PACS1: variants seen among roughly 807,000 people sequenced by gnomAD.
PACS1 encodes the protein phosphofurin acidic cluster sorting protein 1.
Under a neutral mutation model 115.0 loss-of-function variants are expected in PACS1, and 24 were observed. That is an observed-to-expected ratio of 0.21 (90% CI 0.15 to 0.29). The LOEUF (loss-of-function observed/expected upper bound fraction) is 0.29, where lower values mean the gene tolerates loss of function less well. PACS1 is among the 10% of genes least tolerant of loss of function. The pLI, the probability that PACS1 is intolerant of heterozygous loss-of-function variation, is 1.00. For synonymous variants in PACS1, 453 were observed against 504.5 expected (o/e 0.90, Z 1.37); for missense variants, 838 against 1,251.2 (o/e 0.67, Z 4.98).
intron 10 of PACS1, among the ~76,000 whole-genome samples, chr11:66,222,578 C>T (rs1410966576): frequency 6.6e-6 from 1 of 152,138 alleles, no homozygotes; most frequent in Non-Finnish European, 1.5e-5. Flanking sequence ...TTAGGATTTG[C>T]CCTCCAAAGC....
chr11:66,238,932 C>T, intron 20 of PACS1, 86 bp downstream of exon 20: 2 of 1,421,628 alleles, frequency 1.4e-6, no homozygotes, highest in East Asian at 2.5e-5. Flanking sequence ...AAGTTAAGCT[C>T]TGGATGCCCT....
intron 1 of PACS1, among the ~76,000 whole-genome samples, chr11:66,112,873 G>A (rs1858219899): frequency 6.6e-6 from 1 of 152,172 alleles, no homozygotes; most frequent in African/African-American, 2.4e-5. Context: ...GCTATGATTT[G>A]GCTATAAAAA....
intron 1 of PACS1, among the ~76,000 whole-genome samples, chr11:66,102,258 A>G (rs939144341): frequency 6.6e-6 from 1 of 152,120 alleles, no homozygotes; most frequent in African/African-American, 2.4e-5. Flanking sequence ...AACAGGACAG[A>G]CACGTGATTC....
At chr11:66,099,770 T>A (rs1283329410) in intron 1 of PACS1, among the ~76,000 whole-genome samples, 2 of 152,120 alleles carry the variant, frequency 1.3e-5, no homozygotes, top group African/African-American at 4.8e-5. Flanking sequence ...GGTCTTGAAC[T>A]CCTGAGCTCA....
chr11:66,234,264 C>T (rs779975063), intron 17 of PACS1, 22 bp downstream of exon 17: 1 of 1,531,836 alleles, frequency 6.5e-7, no homozygotes, highest in East Asian at 2.2e-5. Flanking sequence ...GTGTAAGGAG[C>T]TTACTCCCAC....
intron 1 of PACS1, among the ~76,000 whole-genome samples, chr11:66,123,392 A>G (rs1442689675): frequency 6.6e-6 from 1 of 151,932 alleles, no homozygotes; most frequent in Non-Finnish European, 1.5e-5. Context: ...GGGTTTTGCC[A>G]TGTTGGCCAG....
intron 1 of PACS1, among the ~76,000 whole-genome samples, chr11:66,094,921 T>G (rs1487401306): frequency 6.6e-6 from 1 of 151,512 alleles, no homozygotes; most frequent in East Asian, 1.9e-4. Flanking sequence ...TAATCCAGCA[T>G]ATAAACAGAA....
At chr11:66,130,131 C>A (rs910720625) in intron 1 of PACS1, among the ~76,000 whole-genome samples, 1 of 152,124 alleles carries the variant, frequency 6.6e-6, no homozygotes, top group African/African-American at 2.4e-5. Flanking sequence ...CAGTCCTGCC[C>A]TTAAGGATGT....
At chr11:66,098,344 TTCTTCTA>T (rs1857833804) in intron 1 of PACS1, among the ~76,000 whole-genome samples, 1 of 152,138 alleles carries the variant, frequency 6.6e-6, no homozygotes, top group Non-Finnish European at 1.5e-5. Context: ...TGATAGAGTT[TTCTTCTA>T]GTCTGTGATG....
At chr11:66,079,958 A>G (rs775350896) in intron 1 of PACS1, among the ~76,000 whole-genome samples, 6 of 152,130 alleles carry the variant, frequency 3.9e-5, no homozygotes, top group Non-Finnish European at 7.4e-5. Context: ...GATCGCTGAG[A>G]CTAGCTCCTG....
intron 1 of PACS1, among the ~76,000 whole-genome samples, chr11:66,147,895 C>T (rs564591853): frequency 6.6e-6 from 1 of 152,072 alleles, no homozygotes; most frequent in Non-Finnish European, 1.5e-5. Context: ...ACCCCATTTA[C>T]CCTGATGTGA....
intron 1 of PACS1, among the ~76,000 whole-genome samples, chr11:66,173,271 A>T (rs976482764): frequency 6.6e-6 from 1 of 152,044 alleles, no homozygotes; most frequent in Admixed American, 6.6e-5. Flanking sequence ...TTCCTAAAAT[A>T]TATTTTATCT....
chr11:66,112,809 A>C (rs186499582), intron 1 of PACS1, among the ~76,000 whole-genome samples: 157 of 152,336 alleles, frequency 1.0e-3, no homozygotes, highest in South Asian at 2.3e-3. Flanking sequence ...GTTCATAATA[A>C]CAAAAGCTGG....
chr11:66,182,683 G>A (rs1860037275), intron 1 of PACS1, among the ~76,000 whole-genome samples: 1 of 152,112 alleles, frequency 6.6e-6, no homozygotes, highest in East Asian at 1.9e-4. Flanking sequence ...TAGAAACAAG[G>A]CCTCACTTAT....
intron 1 of PACS1, among the ~76,000 whole-genome samples, chr11:66,102,084 A>G (rs1279373158): frequency 6.6e-6 from 1 of 152,198 alleles, no homozygotes; most frequent in Non-Finnish European, 1.5e-5. Context: ...TAAAATTTGA[A>G]ACCAGAGCTA....
intron 2 of PACS1, among the ~76,000 whole-genome samples, chr11:66,198,016 G>A (rs1162473145): frequency 2.0e-5 from 3 of 152,178 alleles, no homozygotes; most frequent in Non-Finnish European, 4.4e-5. Flanking sequence ...GTAAAACTAT[G>A]CCATCTCCCT....
chr11:66,242,170 C>T (rs1855828576), intron 22 of PACS1, among the ~76,000 whole-genome samples: 1 of 152,202 alleles, frequency 6.6e-6, no homozygotes, highest in South Asian at 2.1e-4. Flanking sequence ...TGGCCCGGCT[C>T]CTGTGCGTGG....
chr11:66,133,206 C>T (rs1186626696), intron 1 of PACS1, among the ~76,000 whole-genome samples: 1 of 152,224 alleles, frequency 6.6e-6, no homozygotes, highest in Non-Finnish European at 1.5e-5. Context: ...ACCCGTGTCA[C>T]CTGTCTTCGT....
intron 1 of PACS1, among the ~76,000 whole-genome samples, chr11:66,190,557 CTTTT>C (rs1193383467): frequency 6.6e-6 from 1 of 152,116 alleles, no homozygotes; most frequent in Non-Finnish European, 1.5e-5. Context: ...TCCCACATTT[CTTTT>C]TATTTTTAAG....
Sources: gnomAD v4.1 joint callset for allele counts (sites outside exome capture counted in the v4.1 genomes callset) on GRCh38, gnomAD v4.1.1 for gene constraint, MANE v1.5 for transcripts, NCBI Gene and HGNC (gene_info 2026-07-23, HGNC 2026-07-21) for gene names.